The following CMBL variants were observed in gnomAD, a reference collection of about 807,000 sequenced individuals.
CMBL encodes the protein carboxymethylenebutenolidase homolog, also known as carboxymethylenebutenolidase homolog (Pseudomonas).
CMBL carries 17 observed loss-of-function variants against 28.7 expected under a neutral mutation model. The observed-to-expected ratio is 0.59, with a 90% CI of 0.41 to 0.89. The LOEUF is 0.89. CMBL is among the 40% of genes least tolerant of loss of function. The pLI is 0.00. For synonymous variants in CMBL, 106 were observed against 101.6 expected, an observed-to-expected ratio of 1.04 and a Z score of -0.26; for missense variants, 310 against 298.5, an observed-to-expected ratio of 1.04 and a Z score of -0.28.
At chr5:10,288,390 C>A (rs759756247) in intron 3 of CMBL, 32 bp downstream of exon 3, 3 of 1,529,410 alleles carry the variant, frequency 2.0e-6, no homozygotes, top group East Asian at 4.5e-5. Flanking sequence ...TGGGCCACAA[C>A]GTGCACATGG....
intron 1 of CMBL, among the ~76,000 whole-genome samples, chr5:10,304,197 C>CAAAAA (rs756837386): frequency 7.5e-6 from 1 of 133,766 alleles, no homozygotes; most frequent in African/African-American, 2.7e-5. Context: ...CCCATCTCTA[C>CAAAAA]AAAAAAAAAA....
chr5:10,286,431 C>A lies in CMBL; in HGVS notation c.389G>T (p.Gly130Val). ...QCHAQKIGIV[G>V]FCWGGTAVHH... ...GACAGCAGTTCCACCCCAGCAGAAT[C>A]CCACGATGCCAATTTTCTGGGCATG... is the stretch of plus-strand genomic sequence containing the variant. The change falls in exon 4 of 6, where the codon GGA becomes GTA. Residue 130 changes from glycine to valine, a missense_variant. By Grantham distance (109) the Gly-to-Val change is moderately radical (BLOSUM62 -3). Coordinates refer to ENST00000296658, the MANE Select transcript of CMBL (RefSeq NM_138809.4). 5 of 1,614,070 alleles carry A rather than the reference C, an allele frequency of 3.1e-6. No homozygotes were observed. The highest frequency in any genetic ancestry group is 4.2e-6 in the Non-Finnish European group (5 of 1,179,930).
intron 1 of CMBL, among the ~76,000 whole-genome samples, chr5:10,302,480 C>G (rs1016395036): frequency 3.6e-5 from 3 of 82,342 alleles, no homozygotes; most frequent in African/African-American, 1.4e-4. Context: ...CTTGTCTCTA[C>G]TAAAAAAAAA....
At chr5:10,285,688 C>CTTTCTCTCTCTT (rs1554013423) in intron 4 of CMBL, among the ~76,000 whole-genome samples, 5 of 144,308 alleles carry the variant, frequency 3.5e-5, no homozygotes, top group African/African-American at 1.3e-4. Context: ...TTCTTTCTTT[C>CTTTCTCTCTCTT]TCTTTCTTTT....
At chr5:10,305,857 C>A (rs1746993000) in intron 1 of CMBL, among the ~76,000 whole-genome samples, 1 of 152,206 alleles carries the variant, frequency 6.6e-6, no homozygotes, top group African/African-American at 2.4e-5. Context: ...GCATGAGCCA[C>A]TGTGCCCAAT....
intron 1 of CMBL, among the ~76,000 whole-genome samples, chr5:10,292,562 C>T (rs774161816): frequency 1.1e-4 from 17 of 152,084 alleles, no homozygotes; most frequent in Admixed American, 3.9e-4. Flanking sequence ...TGGTGGCTCA[C>T]GCCTGTAATC....
At chr5:10,282,070 G>C in intron 5 of CMBL, 127 bp downstream of exon 5, 1 of 644,340 alleles carries the variant, frequency 1.6e-6, no homozygotes, top group Non-Finnish European at 2.8e-6. Context: ...TGAGGCACAA[G>C]AATGGCTTGA....
intron 4 of CMBL, among the ~76,000 whole-genome samples, chr5:10,284,688 T>C (rs1016997562): frequency 1.3e-5 from 2 of 152,200 alleles, no homozygotes; most frequent in Non-Finnish European, 2.9e-5. Context: ...TGATGCTTGG[T>C]AGGTGAGGTG....
chr5:10,295,085 AT>A (rs538421564), intron 1 of CMBL, among the ~76,000 whole-genome samples: 410 of 143,086 alleles, frequency 2.9e-3, no homozygotes, highest in Middle Eastern at 3.5e-3. Flanking sequence ...CTACTTGCTG[AT>A]TTTTTTTTTT....
chr5:10,296,933 C>T (rs1039221154), intron 1 of CMBL, among the ~76,000 whole-genome samples: 8 of 152,082 alleles, frequency 5.3e-5, no homozygotes, highest in Admixed American at 2.6e-4. Flanking sequence ...GCCTGTAATC[C>T]CAGCACTTTA....
At position 10,289,761 on chromosome 5, in the gene CMBL, G is replaced by A. The variant is rs540505954; in HGVS notation, c.215+787C>T. Among the ~76,000 whole-genome samples the A allele has an allele frequency of 1.1e-3, 169 of 152,274 alleles. 1 individual carries two copies. Among genetic ancestry groups the A allele is most frequent in the South Asian group, 2.1e-4 (1 of 4,830 alleles). ...AAGGAAGGTCTTTTCATTCAGCACC[G>A]ACTCTGCATCCCACCAGGGTGGGCA... On this transcript the variant is annotated intron_variant, in intron 2 of 5. Transcript: ENST00000296658. This position sits in a 1 kb window ranked among gnomAD's most constrained non-coding sequence, Gnocchi z 4.3.
intron 4 of CMBL, among the ~76,000 whole-genome samples, chr5:10,283,534 T>C (rs1366822122): frequency 2.0e-5 from 3 of 152,268 alleles, no homozygotes; most frequent in Middle Eastern, 3.4e-3. Flanking sequence ...TCCCAGCACT[T>C]TGGGAGGCCA....
At chr5:10,298,542 T>C (rs1019270591) in intron 1 of CMBL, among the ~76,000 whole-genome samples, 1 of 152,218 alleles carries the variant, frequency 6.6e-6, no homozygotes, top group African/African-American at 2.4e-5. Context: ...AGATGCATCA[T>C]GATATCATGA....
intron 4 of CMBL, among the ~76,000 whole-genome samples, chr5:10,283,028 T>G (rs1746525495): frequency 6.9e-6 from 1 of 144,734 alleles, no homozygotes; most frequent in African/African-American, 2.6e-5. Context: ...AGGTGGAGGT[T>G]GCAGTGAGCC....
chr5:10,285,914 G>C (rs1561061971), intron 4 of CMBL, among the ~76,000 whole-genome samples: 1 of 151,866 alleles, frequency 6.6e-6, no homozygotes, highest in Non-Finnish European at 1.5e-5. Flanking sequence ...GTCCAGGCTG[G>C]TCTCGAACTC....
rs1264096736 is a variant in CMBL at position 10,279,588 on chromosome 5, C to T, written c.*865G>A. ...ACAGAGTCTCCCTCTGTTGTCCAGG[C>T]TGGAGTGCAGTAGCGCAACCTCGAC... On this transcript the variant is annotated 3_prime_UTR_variant, in exon 6 of 6. Transcript: ENST00000296658. 6.6e-6 allele frequency: 1 copy of T among 151,098 alleles called. No homozygotes were observed. The highest frequency in any genetic ancestry group is 2.4e-5 in the African/African-American group (1 of 40,988). The allele number at this position is 151,098 out of a possible 1,614,324, so 9.4% of individuals were successfully genotyped here.
intron 3 of CMBL, 83 bp downstream of exon 3, chr5:10,288,339 G>T: frequency 1.1e-6 from 1 of 929,670 alleles, no homozygotes; most frequent in Non-Finnish European, 1.8e-6. Context: ...AAGGTAAGGA[G>T]TAGTGTCTGA....
intron 5 of CMBL, among the ~76,000 whole-genome samples, chr5:10,281,847 T>C (rs1300680480): frequency 6.6e-6 from 1 of 152,160 alleles, no homozygotes; most frequent in Non-Finnish European, 1.5e-5. Context: ...CCCCGCAGAA[T>C]GTCAAACCGT....
At chr5:10,282,053 G>A (rs1372597950) in intron 5 of CMBL, 144 bp downstream of exon 5, 8 of 587,832 alleles carry the variant, frequency 1.4e-5, no homozygotes, top group Non-Finnish European at 2.2e-5. Context: ...CCAGCTACTC[G>A]GGAGGCTGAG....
Sources: allele counts gnomAD v4.1 joint callset (sites outside exome capture counted in the v4.1 genomes callset), GRCh38; gene constraint gnomAD v4.1.1; non-coding constraint Gnocchi (gnomAD v3.1); transcripts MANE v1.5; gene names NCBI Gene and HGNC (gene_info 2026-07-23, HGNC 2026-07-21).